Variants in ZNF385D observed in about 807,000 individuals in gnomAD.
The protein encoded by ZNF385D is zinc finger protein 385D, also known as zinc finger protein 659.
A neutral mutation model predicts 35.8 loss-of-function variants in ZNF385D; 15 were observed. The ratio of observed to expected loss-of-function variants is 0.42; its 90% confidence interval spans 0.28 to 0.64. The LOEUF (loss-of-function observed/expected upper bound fraction) is 0.64, where lower values mean the gene tolerates loss of function less well. Among genes scored for constraint, ZNF385D ranks in the 30% least tolerant of loss-of-function variants. The probability of loss-of-function intolerance (pLI) is 0.23; values close to 1 mark genes in which losing one functional copy is unlikely to be tolerated. For synonymous variants in ZNF385D, 212 were observed against 186.8 expected, an observed-to-expected ratio of 1.13 and a Z score of -1.10; for missense variants, 474 against 494.6, an observed-to-expected ratio of 0.96 and a Z score of 0.39.
rs1280476022 is a variant in ZNF385D at position 21,994,552 on chromosome 3, G to T, written c.325+174265C>A. Among the ~76,000 whole-genome samples, 5 of 151,804 alleles carry T rather than the reference G, an allele frequency of 3.3e-5. No individual in the cohort carries two copies. The South Asian group carries it at 1.0e-3, about 32-fold the overall frequency. On this transcript the variant is annotated intron_variant, in intron 3 of 5. Coordinates refer to the ZNF385D transcript ENST00000494108. ...CATTTCATAGATTTCTCTTTCATTG[G>T]AATCTATTGCTTGAGAATTATTGTG...
intron 3 of ZNF385D, among the ~76,000 whole-genome samples, chr3:22,160,040 C>G (rs1576421946): frequency 6.6e-6 from 1 of 152,016 alleles, no homozygotes; most frequent in East Asian, 1.9e-4. Flanking sequence ...TTTCCCCATG[C>G]TGTTCTTGTG....
At chr3:21,470,780 A>T (rs1364860570) in intron 4 of ZNF385D, among the ~76,000 whole-genome samples, 2 of 152,066 alleles carry the variant, frequency 1.3e-5, no homozygotes, top group Admixed American at 1.3e-4. Flanking sequence ...GTTTTGACAA[A>T]GTCAAAAATC....
At chr3:21,984,995 G>A (rs2125380421) in intron 3 of ZNF385D, among the ~76,000 whole-genome samples, 2 of 151,656 alleles carry the variant, frequency 1.3e-5, no homozygotes, top group South Asian at 4.2e-4. Context: ...AAGAATGCCT[G>A]TGATTTTTGT....
chr3:21,926,315 G>C (rs1700725603), intron 3 of ZNF385D, among the ~76,000 whole-genome samples: 1 of 151,822 alleles, frequency 6.6e-6, no homozygotes, highest in African/African-American at 2.4e-5. Context: ...CCCAGTGTGT[G>C]ATGCTCCCCT....
Position 21,421,147 on chromosome 3 carries a change from C to G in ZNF385D, c.*67G>C. 1 of 1,241,400 alleles carries G rather than the reference C, an allele frequency of 8.1e-7. No homozygotes were observed. The highest frequency in any genetic ancestry group is 1.2e-5 in the South Asian group (1 of 80,250). 76.9% of individuals were successfully genotyped at this position (1,241,400 alleles called of 1,614,324 possible). A position where few individuals can be genotyped will look rare whatever the true frequency, so the allele number is the denominator to read the frequency against. On this transcript the variant is annotated 3_prime_UTR_variant, in exon 8 of 8. Coordinates refer to ENST00000281523, the MANE Select transcript of ZNF385D (RefSeq NM_024697.3). ...AACTATAAATAAACACTGCATAGTT[C>G]TCTTTTGTTTGTTTTGTTTTTTGTT...
chr3:21,558,009 A>G (rs1246729105), intron 3 of ZNF385D, among the ~76,000 whole-genome samples: 2 of 151,216 alleles, frequency 1.3e-5, no homozygotes, highest in African/African-American at 4.9e-5. Flanking sequence ...CCCCTTTATC[A>G]TTTTTTAGTG....
chr3:21,831,846 C>T (rs1274061403), intron 3 of ZNF385D, among the ~76,000 whole-genome samples: 3 of 152,120 alleles, frequency 2.0e-5, no homozygotes, highest in African/African-American at 4.8e-5. Context: ...TTTAAAATTA[C>T]ATGACTTTGT....
chr3:21,688,151 T>TA (rs972180791), intron 1 of ZNF385D, among the ~76,000 whole-genome samples: 22 of 152,062 alleles, frequency 1.4e-4, no homozygotes, highest in African/African-American at 1.9e-4. Flanking sequence ...TTTCTTTTTT[T>TA]AAAAAAACTA....
At chr3:22,159,325 T>C (rs1705796537) in intron 3 of ZNF385D, among the ~76,000 whole-genome samples, 1 of 152,126 alleles carries the variant, frequency 6.6e-6, no homozygotes, top group Non-Finnish European at 1.5e-5. Flanking sequence ...TCATTCTCTT[T>C]TCTTTTTTGG....
chr3:22,348,007 G>T (rs1213127916), intron 2 of ZNF385D, among the ~76,000 whole-genome samples: 1 of 151,986 alleles, frequency 6.6e-6, no homozygotes, highest in East Asian at 1.9e-4. Flanking sequence ...TCTACTTCTG[G>T]AATTTTGTGA....
intron 3 of ZNF385D, among the ~76,000 whole-genome samples, chr3:21,764,981 C>T (rs997925792): frequency 2.0e-5 from 3 of 152,110 alleles, no homozygotes; most frequent in Admixed American, 6.6e-5. Flanking sequence ...AGCATTGAGA[C>T]GTATCCTTAG....
At chr3:22,185,794 C>A (rs1176256702) in intron 2 of ZNF385D, among the ~76,000 whole-genome samples, 1 of 152,114 alleles carries the variant, frequency 6.6e-6, no homozygotes, top group Non-Finnish European at 1.5e-5. Context: ...TAAAAGATTT[C>A]TGTCCCACCT....
intron 2 of ZNF385D, among the ~76,000 whole-genome samples, chr3:22,202,140 C>G (rs1363515893): frequency 1.3e-5 from 2 of 151,910 alleles, no homozygotes; most frequent in Admixed American, 6.6e-5. Flanking sequence ...TTTTTAAAAT[C>G]TATGTATTCA....
intron 1 of ZNF385D, 25 bp from the exon 2 acceptor site, chr3:21,665,053 C>G: frequency 6.4e-7 from 1 of 1,557,916 alleles, no homozygotes; most frequent in Non-Finnish European, 8.7e-7. Flanking sequence ...GCAAAGGGAG[C>G]AATCAGGGAC....
intron 2 of ZNF385D, among the ~76,000 whole-genome samples, chr3:22,302,569 T>C (rs1452151785): frequency 2.0e-5 from 3 of 151,984 alleles, no homozygotes; most frequent in Non-Finnish European, 2.9e-5. Context: ...CAAACTCTTT[T>C]GGCTATTCTT....
chr3:21,467,292 A>G (rs1008841691), intron 4 of ZNF385D, among the ~76,000 whole-genome samples: 2 of 152,150 alleles, frequency 1.3e-5, no homozygotes, highest in African/African-American at 4.8e-5. Flanking sequence ...GTTGTTGCTG[A>G]CATTGTAGTT....
At chr3:21,764,292 G>A (rs1295721319) in intron 3 of ZNF385D, among the ~76,000 whole-genome samples, 1 of 152,126 alleles carries the variant, frequency 6.6e-6, no homozygotes, top group Non-Finnish European at 1.5e-5. Context: ...TATTAGTTAG[G>A]AGAAGTAGTT....
At chr3:22,133,404 G>T (rs1173368979) in intron 3 of ZNF385D, among the ~76,000 whole-genome samples, 2 of 152,096 alleles carry the variant, frequency 1.3e-5, no homozygotes, top group Non-Finnish European at 2.9e-5. Context: ...GGGAGGGAAG[G>T]AGAGGCAGGA....
intron 3 of ZNF385D, among the ~76,000 whole-genome samples, chr3:22,035,787 A>T (rs1698277722): frequency 5.3e-5 from 8 of 152,182 alleles, no homozygotes. Flanking sequence ...AGACTCCAAA[A>T]TTATGACCAC....
Sources: allele counts gnomAD v4.1 joint callset (sites outside exome capture counted in the v4.1 genomes callset), GRCh38; gene constraint gnomAD v4.1.1; transcripts MANE v1.5; gene names NCBI Gene and HGNC (gene_info 2026-07-23, HGNC 2026-07-21).